The following USP45 variants were observed in gnomAD, a reference collection of about 807,000 sequenced individuals.
The protein encoded by USP45 is ubiquitin specific peptidase 45.
In USP45, 89 loss-of-function variants were observed where a neutral mutation model predicts 95.8. That is an observed-to-expected ratio of 0.93 (90% CI 0.78 to 1.11). USP45 has a LOEUF of 1.11. USP45 is among the 50% of genes least tolerant of loss of function. The probability of loss-of-function intolerance (pLI) is 0.00; values close to 1 mark genes in which losing one functional copy is unlikely to be tolerated. For synonymous variants in USP45, 281 were observed against 316.2 expected, an observed-to-expected ratio of 0.89 and a Z score of 1.18; for missense variants, 898 against 942.5, an observed-to-expected ratio of 0.95 and a Z score of 0.62.
rs555576673 is a variant in USP45, at chr6:99,491,305, T to A, written c.479-2485A>T. ...GCAAATGAAAAAAGCCAGTCAGTAC[T>A]TAAGAAGCACTACACAAACAAGAGG... On this transcript the variant is annotated intron_variant, in intron 5 of 17. Coordinates refer to ENST00000500704, the MANE Select transcript of USP45 (RefSeq NM_001346022.3). Among the ~76,000 whole-genome samples, 7 of 152,322 alleles carry A rather than the reference T, an allele frequency of 4.6e-5. No homozygotes were observed. In the South Asian group the frequency reaches 1.2e-3, roughly 27 times the overall value.
At chr6:99,508,895 AAC>A in intron 2 of USP45, 113 bp from the exon 3 acceptor site, 1 of 832,302 alleles carries the variant, frequency 1.2e-6, no homozygotes, top group Non-Finnish European at 1.8e-6. Context: ...ACAGAGATTG[AAC>A]ACACAAAATA....
intron 7 of USP45, among the ~76,000 whole-genome samples, chr6:99,484,003 A>ATTTTTTTTTT: frequency 2.4e-5 from 1 of 40,964 alleles, no homozygotes; most frequent in South Asian, 1.3e-3. Flanking sequence ...AATTTTCCAT[A>ATTTTTTTTTT]GTTTTTTTTT....
At position 99,503,819 on chromosome 6, in the gene USP45, C is replaced by G. The variant is rs1488760188; in HGVS notation, c.424G>C (p.Val142Leu). ...EKLSTHCNKKVLAQIVDFLQK... is the reference protein window; with the variant it reads ...EKLSTHCNKKLLAQIVDFLQK... ...AGAAAATCAACTATCTGAGCCAAAA[C>G]CTTCTTATTACAATGCGTTGATAAT... The change falls in exon 5 of 18, where the codon GTT (valine) becomes CTT (leucine). Residue 142 changes from valine to leucine, a missense_variant. Coordinates refer to ENST00000500704, the MANE Select transcript of USP45 (RefSeq NM_001346022.3). 8 of 1,601,742 alleles carry G rather than the reference C, an allele frequency of 5.0e-6. No homozygotes were observed. In the African/African-American group the frequency reaches 1.1e-4, roughly 21 times the overall value.
At chr6:99,466,844 A>G in intron 10 of USP45, 81 bp from the exon 11 acceptor site, 1 of 964,342 alleles carries the variant, frequency 1.0e-6, no homozygotes, top group Non-Finnish European at 1.6e-6. Flanking sequence ...CTGGTTATTC[A>G]AAAGTAATCT....
intron 13 of USP45, among the ~76,000 whole-genome samples, chr6:99,450,411 C>T (rs764332252): frequency 2.4e-4 from 36 of 151,978 alleles, no homozygotes; most frequent in African/African-American, 5.6e-4. Flanking sequence ...AACACCTCTA[C>T]GCAAATAAAC....
At chr6:99,473,228 A>G (rs1410261812) in intron 9 of USP45, among the ~76,000 whole-genome samples, 2 of 152,160 alleles carry the variant, frequency 1.3e-5, no homozygotes, top group African/African-American at 4.8e-5. Flanking sequence ...GGTTAAGCAC[A>G]TACAACTCAT....
At chr6:99,489,050 T>C (rs1794614254) in intron 5 of USP45, among the ~76,000 whole-genome samples, 1 of 152,154 alleles carries the variant, frequency 6.6e-6, no homozygotes, top group Admixed American at 6.5e-5. Context: ...TATTACAGAA[T>C]AAATTGCAGA....
At chr6:99,449,089 C>T (rs1056080705) in intron 13 of USP45, among the ~76,000 whole-genome samples, 1 of 152,094 alleles carries the variant, frequency 6.6e-6, no homozygotes, top group African/African-American at 2.4e-5. Flanking sequence ...TAAAGACCAT[C>T]AATGCTAGGA....
At chr6:99,468,490 T>G (rs1788524433) in intron 10 of USP45, 47 bp downstream of exon 10, 1 of 1,240,946 alleles carries the variant, frequency 8.1e-7, no homozygotes, top group South Asian at 1.4e-5. Flanking sequence ...AAAATAAAAT[T>G]TTAATATTTT....
At chr6:99,505,661 CAT>C (rs1798364988) in intron 4 of USP45, among the ~76,000 whole-genome samples, 2 of 129,314 alleles carry the variant, frequency 1.5e-5, no homozygotes, top group Non-Finnish European at 3.3e-5. Context: ...AAAAAAAAAA[CAT>C]AATGCATTAC....
intron 17 of USP45, among the ~76,000 whole-genome samples, chr6:99,436,424 C>CA (rs71556081): frequency 0.46 from 69,167 of 151,562 alleles, 16,530 homozygotes; most frequent in East Asian, 0.89. Flanking sequence ...GGTGTGGTGG[C>CA]AGGCGCCTGG....
At chr6:99,505,085 G>A (rs1328656428) in intron 4 of USP45, among the ~76,000 whole-genome samples, 1 of 152,168 alleles carries the variant, frequency 6.6e-6, no homozygotes, top group African/African-American at 2.4e-5. Flanking sequence ...AAAGGGGGAA[G>A]GAAATAACTG....
intron 14 of USP45, among the ~76,000 whole-genome samples, chr6:99,444,712 A>G (rs1782156678): frequency 1.3e-5 from 2 of 152,318 alleles, no homozygotes; most frequent in South Asian, 2.1e-4. Context: ...AAGCCTGCTT[A>G]GCCTGCCTTA....
Position 99,439,761 on chromosome 6 carries a change from T to C in USP45, c.2160+8A>G. The stretch of plus-strand genomic sequence containing the variant: ...TATAAATCAATTAAATATCTTAATA[T>C]ACTGTACCTTACAAGTAGCAGAGCA... On this transcript the variant is annotated splice_region_variant and intron_variant, in intron 16 of 17. Transcript: ENST00000500704. The C allele has an allele frequency of 6.4e-7, 1 of 1,567,390 alleles. No individual in the cohort carries two copies.
intron 5 of USP45, among the ~76,000 whole-genome samples, chr6:99,490,928 T>C (rs1328261796): frequency 6.6e-6 from 1 of 152,252 alleles, no homozygotes; most frequent in African/African-American, 2.4e-5. Flanking sequence ...CTTTAAGTTC[T>C]AACAACTTTT....
In USP45 at chr6:99,446,421, A is replaced by T; in HGVS notation, c.1351T>A (p.Ser451Thr). 1 of 1,613,962 alleles carries T rather than the reference A, an allele frequency of 6.2e-7. No individual in the cohort carries two copies. The highest frequency in any genetic ancestry group is 2.2e-5 in the East Asian group (1 of 44,880). ...HDRKCIRKLS[S>T]GETVTYQKNE... ...TTCTGGTATGTGACAGTTTCTCCAGATGACAATTTTCTAATACATTTTCGG... is the reference window on the plus strand; with the variant it reads ...TTCTGGTATGTGACAGTTTCTCCAGTTGACAATTTTCTAATACATTTTCGG... The change falls in exon 14 of 18, where the codon TCT becomes ACT. Residue 451 changes from serine (S) to threonine (T), a missense_variant. Transcript: ENST00000500704.
chr6:99,461,193 G>A, intron 13 of USP45: 2 of 985,300 alleles, frequency 2.0e-6, no homozygotes, highest in Non-Finnish European at 2.4e-6. Context: ...CTGAACTAAT[G>A]AGCTGAGGCA....
Position 99,432,359 on chromosome 6 carries a change from G to T in USP45, c.*3357C>A, listed in dbSNP as rs1779834973. 1 of 152,096 alleles carries T rather than the reference G, an allele frequency of 6.6e-6. No individual in the cohort carries two copies. The highest frequency in any genetic ancestry group is 1.5e-5 in the Non-Finnish European group (1 of 68,020). The allele number at this position is 152,096 out of a possible 1,614,324, so 9.4% of individuals were successfully genotyped here. ...GTATTTTATTATAGCAGCCTGAGTG[G>T]ACTAAGACATAAGCAAATGCATTGT... On this transcript the variant is annotated 3_prime_UTR_variant, in exon 18 of 18. Coordinates refer to ENST00000500704, the MANE Select transcript of USP45 (RefSeq NM_001346022.3).
At chr6:99,438,832 A>G (rs1348157698) in intron 16 of USP45, among the ~76,000 whole-genome samples, 1 of 152,144 alleles carries the variant, frequency 6.6e-6, no homozygotes, top group Non-Finnish European at 1.5e-5. Context: ...CCATGGATGT[A>G]AGGTTTTAGG....
Sources: gnomAD v4.1 joint callset for allele counts (sites outside exome capture counted in the v4.1 genomes callset) on GRCh38, gnomAD v4.1.1 for gene constraint, MANE v1.5 for transcripts, NCBI Gene and HGNC (gene_info 2026-07-23, HGNC 2026-07-21) for gene names.